Variants in DOK6 observed in about 807,000 individuals in gnomAD.
The protein encoded by DOK6 is downstream of tyrosine kinase 6.
Under a neutral mutation model 44.0 loss-of-function variants are expected in DOK6, and 22 were observed. That is an observed-to-expected ratio of 0.50 (90% CI 0.36 to 0.71). The LOEUF is 0.71. Among genes scored for constraint, DOK6 ranks in the 30% least tolerant of loss-of-function variants. The probability of loss-of-function intolerance (pLI) is 0.00; values close to 1 mark genes in which losing one functional copy is unlikely to be tolerated. For synonymous variants in DOK6, 166 were observed against 145.5 expected, an observed-to-expected ratio of 1.14 and a Z score of -1.01; for missense variants, 340 against 416.4, an observed-to-expected ratio of 0.82 and a Z score of 1.60.
chr18:69,679,220 T>A (rs1042194075), intron 4 of DOK6, among the ~76,000 whole-genome samples: 3 of 152,110 alleles, frequency 2.0e-5, no homozygotes, highest in Non-Finnish European at 4.4e-5. Flanking sequence ...CTGTGGGTCA[T>A]AAACTAAATA....
rs186937348 is a variant in DOK6, at chr18:69,648,812, G to A, written c.290-28922G>A. On this transcript the variant is annotated intron_variant, in intron 3 of 7. Transcript: ENST00000382713. ...ATAAAATAGCTGTTCATGCAACTGGGAACAGTAGTAAATTCTTTTTTATTT... is the reference window on the plus strand; with the variant it reads ...ATAAAATAGCTGTTCATGCAACTGGAAACAGTAGTAAATTCTTTTTTATTT... 1.9e-4 allele frequency among the ~76,000 whole-genome samples: 29 copies of A among 152,236 alleles called. 1 individual carries two copies. Among genetic ancestry groups the A allele is most frequent in the Non-Finnish European group, 8.8e-5 (6 of 68,010 alleles).
Position 69,677,844 on chromosome 18 carries a change from G to C in DOK6, c.400G>C (p.Glu134Gln). 1 of 1,613,324 alleles carries C rather than the reference G, an allele frequency of 6.2e-7. No individual in the cohort carries two copies. Among genetic ancestry groups the C allele is most frequent in the South Asian group, 1.1e-5 (1 of 91,036 alleles). ...CCTTCTGGCCGCAGGAGTGCAGCGG[G>C]AACAGAATGGTAGGTGTGAGATTGC... ...PDLLAAGVQREQNERFNVYLM... is the reference protein window; with the variant it reads ...PDLLAAGVQRQQNERFNVYLM... The change falls in exon 4 of 8, where the codon GAA becomes CAA. Residue 134 changes from glutamate to glutamine, a missense_variant. Physicochemically the swap from Glu to Gln is conservative, Grantham distance 29. This residue lies in a region of DOK6 where 206 missense variants were observed against 258.6 expected (regional missense o/e 0.80). Coordinates refer to ENST00000382713, the MANE Select transcript of DOK6 (RefSeq NM_152721.6).
At chr18:69,500,456 C>T (rs1981016485) in intron 1 of DOK6, among the ~76,000 whole-genome samples, 1 of 152,118 alleles carries the variant, frequency 6.6e-6, no homozygotes, top group Non-Finnish European at 1.5e-5. Context: ...CCTAACTTTA[C>T]CTTCCATGTC....
Position 69,800,466 on chromosome 18 carries a change from T to C in DOK6, c.857-40778T>C, listed in dbSNP as rs1311650526. On this transcript the variant is annotated intron_variant, in intron 7 of 7. Coordinates refer to ENST00000382713, the MANE Select transcript of DOK6 (RefSeq NM_152721.6). ...CTATTATTAAACATGATTCATCCAA[T>C]GTACTTTATCTGTATACATGTGTAA... 2.0e-5 allele frequency among the ~76,000 whole-genome samples: 3 copies of C among 152,188 alleles called. No individual in the cohort carries two copies. The East Asian group carries it at 5.8e-4, about 29-fold the overall frequency.
intron 3 of DOK6, chr18:69,661,300 T>C (rs1298603331): frequency 1.3e-5 from 2 of 152,226 alleles, no homozygotes; most frequent in African/African-American, 2.4e-5. Flanking sequence ...CTGGGTCTTT[T>C]ATAAGGACGC....
intron 5 of DOK6, among the ~76,000 whole-genome samples, chr18:69,710,612 A>T (rs1182905962): frequency 6.6e-6 from 1 of 152,234 alleles, no homozygotes; most frequent in African/African-American, 2.4e-5. Context: ...GAGATATTAG[A>T]TTACAAAAAG....
chr18:69,640,996 G>A (rs1396354872), intron 3 of DOK6, among the ~76,000 whole-genome samples: 2 of 152,070 alleles, frequency 1.3e-5, no homozygotes, highest in East Asian at 1.9e-4. Flanking sequence ...GCGGGATCAC[G>A]AGATCAGGAG....
chr18:69,769,617 A>G (rs1979828520), intron 7 of DOK6, among the ~76,000 whole-genome samples: 4 of 152,196 alleles, frequency 2.6e-5, no homozygotes, highest in Admixed American at 2.6e-4. Flanking sequence ...CAACATAAAA[A>G]GCAAATTATA....
At position 69,843,102 on chromosome 18, in the gene DOK6, G is replaced by A. The variant is rs953887904; in HGVS notation, c.*1719G>A. ...ATGTGCACTTACAGCAACTACCTAG[G>A]CTCTCCAAATCACTCCACTCGGTAT... On this transcript the variant is annotated 3_prime_UTR_variant, in exon 8 of 8. Transcript: ENST00000382713. 1.3e-5 allele frequency: 2 copies of A among 152,024 alleles called. No homozygotes were observed. Among genetic ancestry groups the A allele is most frequent in the African/African-American group, 4.8e-5 (2 of 41,382 alleles). The allele number at this position is 152,024 out of a possible 1,614,324, so 9.4% of individuals were successfully genotyped here. A position where few individuals can be genotyped will look rare whatever the true frequency, so the allele number is the denominator to read the frequency against.
chr18:69,741,299 C>T (rs17202425), intron 6 of DOK6, among the ~76,000 whole-genome samples: 16,548 of 152,228 alleles, frequency 0.11, 931 homozygotes, highest in Middle Eastern at 0.16. Flanking sequence ...CTATGCTTTT[C>T]TCTGCAGGTT....
intron 7 of DOK6, among the ~76,000 whole-genome samples, chr18:69,764,481 G>T (rs1478709307): frequency 3.3e-5 from 5 of 152,136 alleles, no homozygotes; most frequent in African/African-American, 1.2e-4. Flanking sequence ...GATAGTGAGT[G>T]AGTTCTCATG....
intron 1 of DOK6, among the ~76,000 whole-genome samples, chr18:69,484,571 G>A (rs187133934): frequency 2.3e-4 from 35 of 152,248 alleles, no homozygotes; most frequent in Admixed American, 1.3e-3. Flanking sequence ...AGGAAATACA[G>A]GGTTGGGTTC....
chr18:69,500,245 C>T (rs1402679063), intron 1 of DOK6, among the ~76,000 whole-genome samples: 19 of 152,184 alleles, frequency 1.2e-4, no homozygotes, highest in Non-Finnish European at 2.9e-5. Flanking sequence ...TATTCTCCGC[C>T]TCTGCTTTTA....
At chr18:69,494,753 G>T (rs1550599) in intron 1 of DOK6, among the ~76,000 whole-genome samples, 1 of 151,992 alleles carries the variant, frequency 6.6e-6, no homozygotes, top group Non-Finnish European at 1.5e-5. Flanking sequence ...AAACTTAAAT[G>T]ATATAATTAC....
rs1436647507 is a variant in DOK6, at chr18:69,429,618, TAC to T, written c.66+28310_66+28311del. On this transcript the variant is annotated intron_variant, in intron 1 of 7. Transcript: ENST00000382713. ...TTTCTATAAGGAAAATATTGAGGGA[TAC>T]ATATATATATATATATATATATATA... Among the ~76,000 whole-genome samples, 216 of 90,260 alleles carry T rather than the reference TAC, an allele frequency of 2.4e-3. 3 individuals are homozygous for T. The highest frequency in any genetic ancestry group is 3.9e-3 in the East Asian group (13 of 3,326). The allele number at this position is 90,260 out of a possible 152,430, so 59.2% of individuals were successfully genotyped here.
At chr18:69,724,396 T>A (rs1978296233) in intron 5 of DOK6, among the ~76,000 whole-genome samples, 1 of 152,202 alleles carries the variant, frequency 6.6e-6, no homozygotes, top group African/African-American at 2.4e-5. Flanking sequence ...CATGGAGCTT[T>A]AACAACTAGC....
At chr18:69,495,226 C>T (rs566978335) in intron 1 of DOK6, among the ~76,000 whole-genome samples, 12 of 152,362 alleles carry the variant, frequency 7.9e-5, no homozygotes, top group Non-Finnish European at 1.5e-4. Context: ...ACAGTCTTGG[C>T]TTGGGGAGCT....
At chr18:69,503,756 A>T (rs1183840053) in intron 1 of DOK6, among the ~76,000 whole-genome samples, 1 of 152,014 alleles carries the variant, frequency 6.6e-6, no homozygotes, top group African/African-American at 2.4e-5. Context: ...TACAAAAATA[A>T]TTTTAATATA....
intron 3 of DOK6, among the ~76,000 whole-genome samples, chr18:69,615,820 G>A (rs973983629): frequency 3.9e-5 from 6 of 152,160 alleles, no homozygotes; most frequent in Non-Finnish European, 7.4e-5. Flanking sequence ...CCTCTACCGT[G>A]CATGGGGTAT....
Sources: gnomAD v4.1 joint callset for allele counts (sites outside exome capture counted in the v4.1 genomes callset) on GRCh38, gnomAD v4.1.1 for gene constraint, gnomAD v4.1.1 regional missense constraint, MANE v1.5 for transcripts, NCBI Gene and HGNC (gene_info 2026-07-23, HGNC 2026-07-21) for gene names.